RGS18: variants seen among roughly 807,000 people sequenced by gnomAD.
RGS18 encodes the protein regulator of G protein signaling 18, also known as regulator of G-protein signaling 18.
Under a neutral mutation model 27.6 loss-of-function variants are expected in RGS18, and 22 were observed. That is an observed-to-expected ratio of 0.80 (90% CI 0.57 to 1.14). The LOEUF is 1.14. Among genes scored for constraint, RGS18 ranks in the 50% most tolerant of loss-of-function variants. RGS18 has a pLI of 0.00. For missense variants in RGS18, 299 were observed against 269.6 expected (o/e 1.11, Z -0.76); for synonymous variants, 89 against 84.6 (o/e 1.05, Z -0.29).
chr1:192,162,090 T>C (rs538032950), intron 3 of RGS18, among the ~76,000 whole-genome samples: 1 of 152,328 alleles, frequency 6.6e-6, no homozygotes, highest in African/African-American at 2.4e-5. Flanking sequence ...TGGAGAGTTA[T>C]GGTAAGAAAG....
At chr1:192,177,254 T>A (rs1656373862) in intron 3 of RGS18, among the ~76,000 whole-genome samples, 1 of 151,606 alleles carries the variant, frequency 6.6e-6, no homozygotes, top group Non-Finnish European at 1.5e-5. Context: ...TAGGACACAA[T>A]TTTGTGGATT....
intron 3 of RGS18, among the ~76,000 whole-genome samples, chr1:192,173,418 G>A (rs1656297615): frequency 6.6e-6 from 1 of 151,346 alleles, no homozygotes; most frequent in African/African-American, 2.4e-5. Flanking sequence ...TTTTTTTATG[G>A]GGCAGAGTGT....
At chr1:192,176,072 C>T (rs571668222) in intron 3 of RGS18, among the ~76,000 whole-genome samples, 1 of 151,872 alleles carries the variant, frequency 6.6e-6, no homozygotes, top group Admixed American at 6.6e-5. Flanking sequence ...ATACAGGTAT[C>T]CCTGGGCTAA....
At chr1:192,172,919 G>A (rs2102156380) in intron 3 of RGS18, among the ~76,000 whole-genome samples, 1 of 144,224 alleles carries the variant, frequency 6.9e-6, no homozygotes, top group East Asian at 2.2e-4. Flanking sequence ...AAAATCTGGG[G>A]CAATTGAACT....
At chr1:192,182,848 A>T (rs1435134232) in intron 4 of RGS18, among the ~76,000 whole-genome samples, 1 of 151,570 alleles carries the variant, frequency 6.6e-6, no homozygotes, top group African/African-American at 2.4e-5. Flanking sequence ...ATACCAATTT[A>T]ATTTTGGCTC....
At chr1:192,167,517 T>C (rs1656182964) in intron 3 of RGS18, among the ~76,000 whole-genome samples, 4 of 152,040 alleles carry the variant, frequency 2.6e-5, no homozygotes, top group Admixed American at 2.0e-4. Flanking sequence ...CCTCCTGGGT[T>C]CAAGCGATTC....
At chr1:192,171,628 G>A (rs1212601345) in intron 3 of RGS18, among the ~76,000 whole-genome samples, 1 of 152,066 alleles carries the variant, frequency 6.6e-6, no homozygotes, top group East Asian at 1.9e-4. Context: ...TCCTTTTCTT[G>A]TGGTAGTGGC....
At chr1:192,172,198 G>T (rs1007167383) in intron 3 of RGS18, among the ~76,000 whole-genome samples, 4 of 151,980 alleles carry the variant, frequency 2.6e-5, no homozygotes, top group African/African-American at 9.7e-5. Context: ...ATGTTGGGAG[G>T]GGGCACCTAG....
rs1020635175 is a variant in RGS18, at chr1:192,174,890, A to G, written c.284-6402A>G. 2.0e-5 allele frequency among the ~76,000 whole-genome samples: 3 copies of G among 151,878 alleles called. No individual in the cohort carries two copies. In the East Asian group the frequency reaches 5.8e-4, roughly 29 times the overall value. On this transcript the variant is annotated intron_variant, in intron 3 of 4. Coordinates refer to ENST00000367460, the MANE Select transcript of RGS18 (RefSeq NM_130782.3). ...GGAATGTTTAGCTCATTTAAATGTT[A>G]TCTCATCATTGATATATATGGGATT...
intron 3 of RGS18, among the ~76,000 whole-genome samples, chr1:192,176,783 A>G (rs1656366058): frequency 6.6e-6 from 1 of 151,866 alleles, no homozygotes; most frequent in South Asian, 2.1e-4. Flanking sequence ...AAAAGTATTT[A>G]ATAAAATAGT....
intron 2 of RGS18, 110 bp downstream of exon 2, chr1:192,159,431 A>G (rs866231531): frequency 1.7e-5 from 12 of 691,704 alleles, no homozygotes; most frequent in Middle Eastern, 3.0e-4. Context: ...ACAGCAATAT[A>G]AGGAAAGTTA....
intron 3 of RGS18, among the ~76,000 whole-genome samples, chr1:192,171,985 C>T (rs1280123909): frequency 1.3e-5 from 2 of 151,914 alleles, no homozygotes; most frequent in African/African-American, 2.4e-5. Context: ...GCAGGCTATT[C>T]TTTTTTTGGA....
At chr1:192,160,159 AT>A (rs1454046885) in intron 2 of RGS18, among the ~76,000 whole-genome samples, 45 of 152,278 alleles carry the variant, frequency 3.0e-4, no homozygotes, top group South Asian at 2.1e-4. Flanking sequence ...GAGAAAAAAA[AT>A]AATGTTATTT....
chr1:192,160,823 C>T (rs1656056234), intron 3 of RGS18: 1 of 172,898 alleles, frequency 5.8e-6, no homozygotes, highest in South Asian at 1.5e-4. Context: ...TACAGGAAAC[C>T]CACATAAACA....
chr1:192,172,699 C>T (rs988959655), intron 3 of RGS18, among the ~76,000 whole-genome samples: 9 of 151,602 alleles, frequency 5.9e-5, no homozygotes, highest in Admixed American at 2.0e-4. Context: ...TTTAAGGACT[C>T]GCGTGATTAG....
intron 4 of RGS18, 97 bp downstream of exon 4, chr1:192,181,555 T>C: frequency 2.4e-6 from 2 of 833,020 alleles, no homozygotes; most frequent in Middle Eastern, 3.8e-4. Context: ...AACTTATTTT[T>C]ATTAATTTCA....
intron 3 of RGS18, among the ~76,000 whole-genome samples, chr1:192,170,773 C>G (rs1656241847): frequency 6.6e-6 from 1 of 152,028 alleles, no homozygotes. Flanking sequence ...CAATCAGCAG[C>G]CAAACAATAC....
intron 3 of RGS18, among the ~76,000 whole-genome samples, chr1:192,164,649 C>A (rs1656132767): frequency 6.6e-6 from 1 of 152,150 alleles, no homozygotes; most frequent in Admixed American, 6.5e-5. Flanking sequence ...TCTTCTAAAT[C>A]TGTACTACCT....
At chr1:192,162,986 GT>G (rs1656100010) in intron 3 of RGS18, among the ~76,000 whole-genome samples, 1 of 152,092 alleles carries the variant, frequency 6.6e-6, no homozygotes. Context: ...AACTGAATTT[GT>G]TTCTAGAAGT....
Sources: gnomAD v4.1 joint callset for allele counts (sites outside exome capture counted in the v4.1 genomes callset) on GRCh38, gnomAD v4.1.1 for gene constraint, MANE v1.5 for transcripts, NCBI Gene and HGNC (gene_info 2026-07-23, HGNC 2026-07-21) for gene names.